The following ODAD2 variants were observed in gnomAD, a reference collection of about 807,000 sequenced individuals.
ODAD2 encodes the protein outer dynein arm-docking complex subunit 2.
ODAD2 carries 89 observed loss-of-function variants against 106.8 expected under a neutral mutation model. The observed-to-expected ratio is 0.83, with a 90% CI of 0.70 to 0.99. ODAD2 has a LOEUF of 0.99. ODAD2 is among the 50% of genes least tolerant of loss of function. The pLI, the probability that ODAD2 is intolerant of heterozygous loss-of-function variation, is 0.00. For synonymous variants in ODAD2, 404 were observed against 436.2 expected (o/e 0.93, Z 0.92); for missense variants, 1,168 against 1,238.5 (o/e 0.94, Z 0.85).
chr10:27,946,228 A>G (rs1846914117), intron 10 of ODAD2, among the ~76,000 whole-genome samples: 1 of 148,854 alleles, frequency 6.7e-6, no homozygotes, highest in South Asian at 2.1e-4. Context: ...AAATACCAAT[A>G]TAAAAATGTA....
At chr10:27,863,801 C>G (rs4749267) in intron 17 of ODAD2, among the ~76,000 whole-genome samples, 103,543 of 151,456 alleles carry the variant, frequency 0.68, 35,502 homozygotes, top group Middle Eastern at 0.75. Flanking sequence ...ACAGATCTGA[C>G]AGCGAGAGAG....
intron 19 of ODAD2, among the ~76,000 whole-genome samples, chr10:27,844,472 G>T (rs568343864): frequency 6.6e-6 from 1 of 152,274 alleles, no homozygotes; most frequent in African/African-American, 2.4e-5. Flanking sequence ...AAGCATAGGA[G>T]TCCACACATA....
In ODAD2 at chr10:27,862,627, A is replaced by C. The variant is rs1276735601; in HGVS notation, c.2611-5T>G. ...ACGAACCATTTCCCCAGCATCCTAGACAAAAATAAAAGTAAAGATGGTATC... is the reference window on the plus strand; with the variant it reads ...ACGAACCATTTCCCCAGCATCCTAGCCAAAAATAAAAGTAAAGATGGTATC... On this transcript the variant is annotated splice_region_variant and splice_polypyrimidine_tract_variant and intron_variant, in intron 17 of 19. Coordinates refer to ENST00000305242, the MANE Select transcript of ODAD2 (RefSeq NM_018076.5). 6.3e-7 allele frequency: 1 copy of C among 1,586,720 alleles called. No homozygotes were observed. The highest frequency in any genetic ancestry group is 1.8e-5 in the Admixed American group (1 of 54,550).
intron 19 of ODAD2, among the ~76,000 whole-genome samples, chr10:27,813,025 C>A (rs1460873670): frequency 6.6e-6 from 1 of 152,220 alleles, no homozygotes; most frequent in African/African-American, 2.4e-5. Flanking sequence ...GATCATGTCA[C>A]AACCTCATTA....
chr10:27,998,810 A>G (rs1362901931), intron 1 of ODAD2, among the ~76,000 whole-genome samples, 184 bp downstream of exon 1: 7 of 151,958 alleles, frequency 4.6e-5, no homozygotes, highest in Admixed American at 2.6e-4. Flanking sequence ...CACCTGCAGC[A>G]CCCTGCCCCC....
chr10:27,986,545 A>C (rs1564579850), intron 3 of ODAD2, among the ~76,000 whole-genome samples: 1 of 152,200 alleles, frequency 6.6e-6, no homozygotes, highest in African/African-American at 2.4e-5. Flanking sequence ...AAGGCATAAA[A>C]AGAGGTTGCC....
chr10:27,910,273 C>T (rs1280269340), intron 16 of ODAD2, among the ~76,000 whole-genome samples: 1 of 152,112 alleles, frequency 6.6e-6, no homozygotes, highest in Admixed American at 6.6e-5. Flanking sequence ...ATTTGATCAG[C>T]GCTTGTTAAA....
chr10:27,987,629 C>T, intron 2 of ODAD2, 86 bp from the exon 3 acceptor site: 1 of 850,560 alleles, frequency 1.2e-6, no homozygotes, highest in Non-Finnish European at 1.7e-6. Context: ...ACAGATTATT[C>T]CTATATCTCA....
At chr10:27,833,509 T>C (rs1837635290) in intron 19 of ODAD2, among the ~76,000 whole-genome samples, 1 of 152,222 alleles carries the variant, frequency 6.6e-6, no homozygotes. Flanking sequence ...ATTTAAACTC[T>C]GTGGCTTATG....
intron 7 of ODAD2, among the ~76,000 whole-genome samples, chr10:27,974,432 A>G (rs1285023836): frequency 2.0e-5 from 3 of 152,172 alleles, no homozygotes; most frequent in South Asian, 2.1e-4. Context: ...GTCCAGTTTC[A>G]ATCTTCTGCA....
At chr10:27,940,940 A>G in intron 12 of ODAD2, 135 bp from the exon 13 acceptor site, 2 of 928,570 alleles carry the variant, frequency 2.2e-6, no homozygotes, top group Non-Finnish European at 3.2e-6. Context: ...CACTTTTCGT[A>G]CTCCATAGCA....
At chr10:27,957,509 A>G (rs12778301) in intron 10 of ODAD2, 57,266 of 152,146 alleles carry the variant, frequency 0.38, 12,129 homozygotes, top group Middle Eastern at 0.59. Flanking sequence ...AAGGCAGAAC[A>G]TAAGTGCTTA....
chr10:27,940,139 CAT>C, intron 13 of ODAD2, 132 bp from the exon 14 acceptor site: 1 of 600,590 alleles, frequency 1.7e-6, no homozygotes, highest in Non-Finnish European at 2.8e-6. Context: ...CATATCCCTA[CAT>C]CAATAAGAGA....
intron 18 of ODAD2, 84 bp from the exon 19 acceptor site, chr10:27,860,930 C>T (rs1038072845): frequency 2.6e-6 from 3 of 1,154,424 alleles, no homozygotes; most frequent in Non-Finnish European, 2.6e-6. Context: ...GTTTATTAAC[C>T]ATTAAGACAC....
chr10:27,861,437 T>C (rs1840033786), intron 18 of ODAD2, among the ~76,000 whole-genome samples: 1 of 152,194 alleles, frequency 6.6e-6, no homozygotes, highest in African/African-American at 2.4e-5. Flanking sequence ...TTCTTTAGAG[T>C]GAGTCTACTA....
At chr10:27,999,268 A>C (rs1235289514), upstream of ODAD2, among the ~76,000 whole-genome samples, 5 of 152,328 alleles carry the variant, frequency 3.3e-5, no homozygotes, top group East Asian at 7.7e-4. Flanking sequence ...GTCGGCGGCA[A>C]GTTAGCAGAA....
rs969189122 is a variant in ODAD2 at position 27,985,686 on chromosome 10, AC to A, written c.383-476del. 2.0e-3 allele frequency among the ~76,000 whole-genome samples: 302 copies of A among 152,158 alleles called. 1 individual carries two copies. The highest frequency in any genetic ancestry group is 6.9e-3 in the African/African-American group (286 of 41,534). On this transcript the variant is annotated intron_variant, in intron 3 of 19. Transcript: ENST00000305242. ...ATAGCATGCTTTCCTAAGCCTACAGACCCAGTAGCACTCTTTTGCAAGTATT... is the reference window on the plus strand; with the variant it reads ...ATAGCATGCTTTCCTAAGCCTACAGACCAGTAGCACTCTTTTGCAAGTATT...
chr10:27,940,713 T>C lies in ODAD2; in HGVS notation c.1836A>G (p.Ala612=). The C allele has an allele frequency of 1.2e-6, 2 of 1,614,104 alleles. No individual in the cohort carries two copies. Among genetic ancestry groups the C allele is most frequent in the Non-Finnish European group, 1.7e-6 (2 of 1,179,998 alleles). ...TCTTACTGCAGCTCCACAGGGCCAG[T>C]GCCCCACAGCGAGCCACTTCCACGT... ...ARDVEVARCG[A]LALWSCSKSH... is the part of the protein sequence containing the mutation. Residue 612 remains alanine, a synonymous_variant, in exon 13 of 20, where the codon GCA becomes GCG. Transcript: ENST00000305242.
chr10:27,974,080 C>A (rs1402190779), intron 7 of ODAD2, among the ~76,000 whole-genome samples: 1 of 152,166 alleles, frequency 6.6e-6, no homozygotes, highest in African/African-American at 2.4e-5. Flanking sequence ...TGTATGTCTT[C>A]TTTTGAAAAG....
Sources: allele counts gnomAD v4.1 joint callset (sites outside exome capture counted in the v4.1 genomes callset), GRCh38; gene constraint gnomAD v4.1.1; transcripts MANE v1.5; gene names NCBI Gene and HGNC (gene_info 2026-07-23, HGNC 2026-07-21).